Variants in UBE2E3 observed in about 807,000 individuals in gnomAD.
UBE2E3 encodes ubiquitin-conjugating enzyme E2 E3.
UBE2E3 carries 5 observed loss-of-function variants against 23.6 expected under a neutral mutation model. The observed-to-expected ratio is 0.21, with a 90% CI of 0.11 to 0.44. The LOEUF is 0.44. Ranked by LOEUF, UBE2E3 falls within the 20% of genes least tolerant of loss-of-function variation. UBE2E3 has a pLI of 0.99. For missense variants in UBE2E3, 81 were observed against 249.8 expected, an observed-to-expected ratio of 0.32 and a Z score of 4.55; for synonymous variants, 78 against 87.5, an observed-to-expected ratio of 0.89 and a Z score of 0.60.
At chr2:181,023,391 TCAAA>T (rs754415519) in intron 3 of UBE2E3, among the ~76,000 whole-genome samples, 6 of 152,222 alleles carry the variant, frequency 3.9e-5, no homozygotes, top group Admixed American at 6.5e-5. Flanking sequence ...TTCTGATTTC[TCAAA>T]CAATGTATAT....
At chr2:180,983,984 C>A in intron 2 of UBE2E3, 59 bp from the exon 3 acceptor site, 2 of 1,432,272 alleles carry the variant, frequency 1.4e-6, no homozygotes, top group Non-Finnish European at 1.9e-6. Flanking sequence ...CAGTGTAATT[C>A]CCTGGTTATT....
At chr2:181,000,902 A>T (rs994701974) in intron 3 of UBE2E3, among the ~76,000 whole-genome samples, 2 of 152,206 alleles carry the variant, frequency 1.3e-5, no homozygotes, top group Non-Finnish European at 2.9e-5. Flanking sequence ...TTGTGCTTTG[A>T]AAAGGAACAA....
intron 3 of UBE2E3, among the ~76,000 whole-genome samples, chr2:181,056,217 G>GA (rs990405179): frequency 2.1e-4 from 32 of 151,770 alleles, no homozygotes; most frequent in Non-Finnish European, 4.6e-4. Context: ...AAAGCATTGG[G>GA]AAAAAATGAG....
intron 4 of UBE2E3, among the ~76,000 whole-genome samples, chr2:181,060,314 T>C (rs62181579): frequency 0.23 from 35,097 of 151,486 alleles, 4,432 homozygotes; most frequent in Non-Finnish European, 0.28. Context: ...AAACATTTCT[T>C]TTCTTCCTCA....
chr2:181,022,114 G>T (rs1685721745), intron 3 of UBE2E3, among the ~76,000 whole-genome samples: 2 of 152,140 alleles, frequency 1.3e-5, no homozygotes, highest in South Asian at 4.1e-4. Flanking sequence ...AAAGTAAATG[G>T]AACATTAAAC....
In UBE2E3 at chr2:180,982,025, A is replaced by G. The variant is rs773627481; in HGVS notation, c.-18A>G. On this transcript the variant is annotated 5_prime_UTR_variant, in exon 2 of 6. Coordinates refer to ENST00000410062, the MANE Select transcript of UBE2E3 (RefSeq NM_006357.4). ...CCCTGTTCTCTTTAAAAGTTTTCCAAGAGATAACTTCACCAAGATGTCCAG... is the reference window on the plus strand; with the variant it reads ...CCCTGTTCTCTTTAAAAGTTTTCCAGGAGATAACTTCACCAAGATGTCCAG... 3 of 1,594,836 alleles carry G rather than the reference A, an allele frequency of 1.9e-6. No individual in the cohort carries two copies. Among genetic ancestry groups the G allele is most frequent in the Admixed American group, 3.7e-5 (2 of 54,716 alleles).
intron 3 of UBE2E3, among the ~76,000 whole-genome samples, chr2:181,023,113 C>T (rs1220953751): frequency 6.6e-6 from 1 of 152,218 alleles, no homozygotes; most frequent in Non-Finnish European, 1.5e-5. Context: ...TGAGGAGTTC[C>T]TTGACTTACA....
At chr2:181,060,615 T>G in intron 4 of UBE2E3, 50 bp from the exon 5 acceptor site, 1 of 1,474,082 alleles carries the variant, frequency 6.8e-7, no homozygotes, top group African/African-American at 1.4e-5. Flanking sequence ...GTGTTTTAAT[T>G]GGTAATACAG....
intron 3 of UBE2E3, among the ~76,000 whole-genome samples, chr2:181,017,331 A>G (rs1685525753): frequency 1.3e-5 from 2 of 152,138 alleles, no homozygotes; most frequent in African/African-American, 2.4e-5. Context: ...TTAGAGCAGA[A>G]CCAGTAAAGG....
At chr2:180,986,590 T>G (rs1373055564) in intron 3 of UBE2E3, among the ~76,000 whole-genome samples, 1 of 152,164 alleles carries the variant, frequency 6.6e-6, no homozygotes, top group Non-Finnish European at 1.5e-5. Context: ...CAGTTTAAAT[T>G]TATTAATTTA....
At chr2:181,053,811 A>G (rs2105476133) in intron 3 of UBE2E3, among the ~76,000 whole-genome samples, 1 of 151,794 alleles carries the variant, frequency 6.6e-6, no homozygotes, top group East Asian at 1.9e-4. Context: ...CCATACAGAA[A>G]AGTTCACTCC....
intron 3 of UBE2E3, chr2:180,987,453 A>T: frequency 6.6e-7 from 1 of 1,509,388 alleles, no homozygotes; most frequent in Non-Finnish European, 9.0e-7. Flanking sequence ...GCACAAATAT[A>T]CTGACGAATA....
At chr2:181,018,598 GT>G (rs4018770) in intron 3 of UBE2E3, among the ~76,000 whole-genome samples, 3,795 of 128,938 alleles carry the variant, frequency 0.029, 132 homozygotes, top group African/African-American at 0.091. Flanking sequence ...CAATTTCTGT[GT>G]TTTTTTTTTT....
chr2:181,026,763 A>G (rs1285670867), intron 3 of UBE2E3, among the ~76,000 whole-genome samples: 2 of 151,874 alleles, frequency 1.3e-5, no homozygotes, highest in African/African-American at 4.8e-5. Flanking sequence ...CAATATGGTT[A>G]TACTTATACT....
At chr2:181,037,281 T>C (rs1017537272) in intron 3 of UBE2E3, among the ~76,000 whole-genome samples, 2 of 152,238 alleles carry the variant, frequency 1.3e-5, no homozygotes, top group Non-Finnish European at 1.5e-5. Context: ...ATTGTTATTT[T>C]AGAGTGTACT....
intron 3 of UBE2E3, chr2:180,989,961 C>T (rs1445981898): frequency 1.9e-6 from 3 of 1,547,594 alleles, no homozygotes; most frequent in Admixed American, 2.0e-5. Context: ...CTCTTCTTCC[C>T]TATCAATATG....
At chr2:181,002,796 C>A (rs1685027189) in intron 3 of UBE2E3, among the ~76,000 whole-genome samples, 1 of 152,164 alleles carries the variant, frequency 6.6e-6, no homozygotes, top group South Asian at 2.1e-4. Flanking sequence ...GCTCTGTGTT[C>A]TTTCACTTAT....
At chr2:180,982,585 C>T (rs1684335566) in intron 2 of UBE2E3, among the ~76,000 whole-genome samples, 1 of 151,888 alleles carries the variant, frequency 6.6e-6, no homozygotes, top group African/African-American at 2.4e-5. Context: ...TCATAATCTT[C>T]TTTAATGAAA....
At position 181,022,739 on chromosome 2, in the gene UBE2E3, C is replaced by A. The variant is rs73974709; in HGVS notation, c.246-34954C>A. Among the ~76,000 whole-genome samples the A allele has an allele frequency of 1.2e-4, 17 of 145,678 alleles. No homozygotes were observed. In the East Asian group the frequency reaches 1.2e-3, roughly 10 times the overall value. On this transcript the variant is annotated intron_variant, in intron 3 of 5. Transcript: ENST00000410062. ...GTAGGCTGCAAAAAAAAACAAAAAA[C>A]AAAAAAAAAACCCCACAGGTTTACA...
Sources: allele counts gnomAD v4.1 joint callset (sites outside exome capture counted in the v4.1 genomes callset), GRCh38; gene constraint gnomAD v4.1.1; transcripts MANE v1.5; gene names NCBI Gene and HGNC (gene_info 2026-07-23, HGNC 2026-07-21).